Variants in GPM6A observed in about 807,000 individuals in gnomAD.
GPM6A encodes glycoprotein M6A.
Under a neutral mutation model 32.1 loss-of-function variants are expected in GPM6A, and 7 were observed. The observed-to-expected ratio is 0.22, with a 90% CI of 0.12 to 0.41. GPM6A has a LOEUF of 0.41. GPM6A is among the 10% of genes least tolerant of loss of function. The pLI, the probability that GPM6A is intolerant of heterozygous loss-of-function variation, is 1.00. For missense variants in GPM6A, 235 were observed against 347.2 expected, an observed-to-expected ratio of 0.68 and a Z score of 2.57; for synonymous variants, 130 against 123.4, an observed-to-expected ratio of 1.05 and a Z score of -0.35.
chr4:175,900,287 G>A (rs1737917623), intron 1 of GPM6A, among the ~76,000 whole-genome samples: 2 of 119,912 alleles, frequency 1.7e-5, no homozygotes, highest in Non-Finnish European at 3.4e-5. Flanking sequence ...AAAAAAAAAA[G>A]AGAGAAGAAA....
rs371295248 is a variant in GPM6A at position 175,874,802 on chromosome 4, TA to T, written c.-22-62554del. Among the ~76,000 whole-genome samples the T allele has an allele frequency of 8.9e-3, 1,360 of 152,098 alleles. 19 individuals are homozygous for T. Among genetic ancestry groups the T allele is most frequent in the African/African-American group, 0.032 (1,307 of 41,480 alleles). On this transcript the variant is annotated intron_variant, in intron 1 of 7. Transcript: ENST00000280187. Reference sequence around the variant, plus strand: ...TGGAAAATGGGAGAAGAGGAAAATTTATACAGTTCATTTCAATTGGCATACA... The same window carrying T: ...TGGAAAATGGGAGAAGAGGAAAATTTTACAGTTCATTTCAATTGGCATACA...
chr4:175,898,058 A>G (rs1457001399), intron 1 of GPM6A, among the ~76,000 whole-genome samples: 10 of 152,198 alleles, frequency 6.6e-5, no homozygotes, highest in Non-Finnish European at 1.5e-4. Context: ...GTAGTTTGGT[A>G]TTATAAGCTA....
chr4:175,847,267 C>T (rs1018853365), intron 1 of GPM6A, among the ~76,000 whole-genome samples: 3 of 152,156 alleles, frequency 2.0e-5, no homozygotes, highest in African/African-American at 7.2e-5. Context: ...TTAAGATGCT[C>T]AGAGTACAGT....
chr4:175,903,872 A>G (rs1738043010), intron 1 of GPM6A, among the ~76,000 whole-genome samples: 1 of 152,158 alleles, frequency 6.6e-6, no homozygotes, highest in Admixed American at 6.6e-5. Flanking sequence ...GCCAAAGCGA[A>G]TATGGACCAT....
At chr4:175,768,968 G>A (rs532240695) in intron 1 of GPM6A, among the ~76,000 whole-genome samples, 4 of 152,126 alleles carry the variant, frequency 2.6e-5, no homozygotes, top group South Asian at 2.1e-4. Context: ...GGTGGTGGGC[G>A]CCTGTAATCC....
In GPM6A at chr4:175,740,475, G is replaced by A. The variant is rs137931570; in HGVS notation, c.38-38708C>T. Among the ~76,000 whole-genome samples the A allele has an allele frequency of 7.5e-3, 1,135 of 152,062 alleles. 8 individuals are homozygous for A. Among genetic ancestry groups the A allele is most frequent in the Non-Finnish European group, 0.012 (828 of 67,882 alleles). Reference sequence around the variant, plus strand: ...ATGTTAAAGACCAGCAAATGTCATTGTGGACTTTCTCAGTGGAGAAAAATC... The same window carrying A: ...ATGTTAAAGACCAGCAAATGTCATTATGGACTTTCTCAGTGGAGAAAAATC... On this transcript the variant is annotated intron_variant, in intron 1 of 6. Coordinates refer to ENST00000393658, the MANE Select transcript of GPM6A (RefSeq NM_201591.3).
intron 1 of GPM6A, chr4:175,872,620 A>C (rs900856687): frequency 1.3e-5 from 2 of 152,230 alleles, no homozygotes; most frequent in Non-Finnish European, 2.9e-5. Flanking sequence ...ATATTAATAA[A>C]TACTCCCATC....
At chr4:175,639,012 C>T (rs912265543) in intron 6 of GPM6A, among the ~76,000 whole-genome samples, 5 of 152,072 alleles carry the variant, frequency 3.3e-5, no homozygotes, top group Non-Finnish European at 5.9e-5. Flanking sequence ...CCTTATCAAG[C>T]GTCTCACGTT....
At chr4:175,826,874 G>T (rs754283532) in intron 1 of GPM6A, among the ~76,000 whole-genome samples, 2 of 151,994 alleles carry the variant, frequency 1.3e-5, no homozygotes, top group African/African-American at 4.8e-5. Context: ...CAAGTAATCT[G>T]TCGGTTTACT....
chr4:175,809,537 T>G (rs1283642883), intron 1 of GPM6A, among the ~76,000 whole-genome samples: 1 of 151,872 alleles, frequency 6.6e-6, no homozygotes, highest in Admixed American at 6.6e-5. Flanking sequence ...TTGGGGAGGG[T>G]GTCAGAAATT....
At chr4:175,715,348 G>A (rs142340525) in intron 1 of GPM6A, among the ~76,000 whole-genome samples, 68 of 152,228 alleles carry the variant, frequency 4.5e-4, no homozygotes, top group African/African-American at 1.6e-3. Context: ...CTTTCACTCG[G>A]GATTGTTCAC....
chr4:175,997,208 A>G lies in GPM6A; in HGVS notation c.-23+5101T>C, dbSNP rs115633404. Among the ~76,000 whole-genome samples the G allele has an allele frequency of 8.0e-3, 1,214 of 152,312 alleles. 8 individuals carry two copies. The highest frequency in any genetic ancestry group is 0.028 in the African/African-American group (1,145 of 41,568). On this transcript the variant is annotated intron_variant, in intron 1 of 7. Transcript: ENST00000280187. ...ATTGCTCAGCAGACAGTCAGCCCTCAGAACCGTGAATGAAAATAATAAATT... is the reference window on the plus strand; with the variant it reads ...ATTGCTCAGCAGACAGTCAGCCCTCGGAACCGTGAATGAAAATAATAAATT...
chr4:175,766,139 G>A (rs1321088147), intron 1 of GPM6A, among the ~76,000 whole-genome samples: 2 of 152,160 alleles, frequency 1.3e-5, no homozygotes, highest in Non-Finnish European at 2.9e-5. Context: ...TTCACAGTAA[G>A]AGATAAATAT....
At chr4:175,897,030 GA>G (rs1280998442) in intron 1 of GPM6A, among the ~76,000 whole-genome samples, 29 of 151,348 alleles carry the variant, frequency 1.9e-4, no homozygotes, top group Non-Finnish European at 3.4e-4. Flanking sequence ...GCCCAACATA[GA>G]AAACAAAAAG....
rs534531100 is a variant in GPM6A, at chr4:175,860,328, A to G, written c.-22-48079T>C. ...ATCTGATTAAGAACAAAAGAAGGAA[A>G]ATACACAAATTACCAATATTAGAAA... On this transcript the variant is annotated intron_variant, in intron 1 of 7. Coordinates refer to the GPM6A transcript ENST00000280187. 2.6e-5 allele frequency among the ~76,000 whole-genome samples: 4 copies of G among 152,264 alleles called. No homozygotes were observed. In the East Asian group the frequency reaches 7.7e-4, roughly 29 times the overall value.
At chr4:175,900,746 T>A (rs1264777341) in intron 1 of GPM6A, among the ~76,000 whole-genome samples, 1 of 152,266 alleles carries the variant, frequency 6.6e-6, no homozygotes, top group East Asian at 1.9e-4. Context: ...AGAGCTGCCA[T>A]ATGATCCAAC....
chr4:175,917,340 C>A (rs1429323224), intron 1 of GPM6A, among the ~76,000 whole-genome samples: 1 of 152,116 alleles, frequency 6.6e-6, no homozygotes, highest in African/African-American at 2.4e-5. Flanking sequence ...GAGCCATCTT[C>A]TTCCCCAAGC....
chr4:175,768,392 C>A (rs141583699), intron 1 of GPM6A, among the ~76,000 whole-genome samples: 2 of 152,202 alleles, frequency 1.3e-5, no homozygotes, highest in East Asian at 1.9e-4. Flanking sequence ...AGAATAAATT[C>A]TTTCCATAGA....
chr4:175,812,502 G>A, upstream of GPM6A: 1 of 1,171,056 alleles, frequency 8.5e-7, no homozygotes. Context: ...TGCCCATTGT[G>A]TACCACTGTA....
Sources: gnomAD v4.1 joint callset for allele counts (sites outside exome capture counted in the v4.1 genomes callset) on GRCh38, gnomAD v4.1.1 for gene constraint, MANE v1.5 for transcripts, NCBI Gene and HGNC (gene_info 2026-07-23, HGNC 2026-07-21) for gene names.